The following MTMR3 variants were observed in gnomAD, a reference collection of about 807,000 sequenced individuals.
The protein encoded by MTMR3 is phosphatidylinositol-3,5-bisphosphate 3-phosphatase MTMR3.
Under a neutral mutation model 132.4 loss-of-function variants are expected in MTMR3, and 32 were observed. The ratio of observed to expected loss-of-function variants is 0.24; its 90% CI spans 0.18 to 0.32. MTMR3 has a LOEUF of 0.32. Ranked by LOEUF, MTMR3 falls within the 10% of genes least tolerant of loss-of-function variation. The pLI, the probability that MTMR3 is intolerant of heterozygous loss-of-function variation, is 1.00. For missense variants in MTMR3, 1,216 were observed against 1,489.6 expected (o/e 0.82, Z 3.02); for synonymous variants, 556 against 550.3 (o/e 1.01, Z -0.14).
At chr22:29,896,739 A>T (rs1602422120) in intron 1 of MTMR3, among the ~76,000 whole-genome samples, 1 of 152,202 alleles carries the variant, frequency 6.6e-6, no homozygotes, top group South Asian at 2.1e-4. Context: ...ATAACCATTT[A>T]TTTAAGAGTG....
At chr22:29,916,637 G>A (rs2145759355) in intron 1 of MTMR3, among the ~76,000 whole-genome samples, 1 of 152,164 alleles carries the variant, frequency 6.6e-6, no homozygotes, top group South Asian at 2.1e-4. Flanking sequence ...TTGGTGGAAG[G>A]GCTAGTCTCA....
At chr22:29,929,549 A>T (rs2065597894) in intron 1 of MTMR3, among the ~76,000 whole-genome samples, 1 of 151,082 alleles carries the variant, frequency 6.6e-6, no homozygotes, top group Non-Finnish European at 1.5e-5. Flanking sequence ...TTGCTCTGTC[A>T]CCCAGGCTGG....
chr22:30,022,110 T>G lies in MTMR3; in HGVS notation c.3307T>G (p.Trp1103Gly). 1 of 1,614,054 alleles carries G rather than the reference T, an allele frequency of 6.2e-7. No individual in the cohort carries two copies. Among genetic ancestry groups the G allele is most frequent in the African/African-American group, 1.3e-5 (1 of 75,058 alleles). Residue 1103 changes from tryptophan to glycine, a missense_variant, in exon 18 of 20, where the codon TGG (tryptophan) becomes GGG (glycine). Trp to Gly is a radical substitution (Grantham distance 184, BLOSUM62 -2). Transcript: ENST00000401950. ...CSTEIFSEASWEQVDKQDTEM... is the reference protein window; with the variant it reads ...CSTEIFSEASGEQVDKQDTEM... ...CACAGAGATTTTCTCTGAAGCCAGC[T>G]GGGAGCAGGTGGATAAACAGGACAC...
chr22:29,903,255 G>A (rs1017264683), intron 1 of MTMR3, among the ~76,000 whole-genome samples: 1 of 151,996 alleles, frequency 6.6e-6, no homozygotes, highest in Admixed American at 6.6e-5. Context: ...AAAAAGAAAA[G>A]AGTTTGCAGG....
chr22:29,917,351 AGAG>A (rs748670161), intron 1 of MTMR3, among the ~76,000 whole-genome samples: 5 of 152,210 alleles, frequency 3.3e-5, no homozygotes, highest in African/African-American at 4.8e-5. Flanking sequence ...AAATTGCACC[AGAG>A]GAGCCAAGTG....
chr22:29,907,472 A>G (rs766726687), intron 1 of MTMR3, among the ~76,000 whole-genome samples: 1 of 143,690 alleles, frequency 7.0e-6, no homozygotes, highest in Non-Finnish European at 1.5e-5. Context: ...CTTACTAAAG[A>G]GTAGATGTTT....
chr22:29,962,250 T>TTACATATATCTGATATATTACAGATA (rs1292650062), intron 2 of MTMR3, among the ~76,000 whole-genome samples: 2 of 152,188 alleles, frequency 1.3e-5, no homozygotes, highest in African/African-American at 4.8e-5. Context: ...CTCAGATATA[T>TTACATATATCTGATATATTACAGATA]TAATAACATA....
At chr22:29,958,761 C>T (rs2066250138) in intron 2 of MTMR3, among the ~76,000 whole-genome samples, 1 of 152,148 alleles carries the variant, frequency 6.6e-6, no homozygotes, top group Non-Finnish European at 1.5e-5. Context: ...ATTGGGAATG[C>T]CCTTGAAGGC....
chr22:29,912,633 C>G (rs558426771), intron 1 of MTMR3, among the ~76,000 whole-genome samples: 1 of 152,154 alleles, frequency 6.6e-6, no homozygotes, highest in South Asian at 2.1e-4. Flanking sequence ...AAGTCCAGTT[C>G]TTCTTTACCA....
At chr22:29,978,301 A>G (rs1039965448) in intron 3 of MTMR3, 141 bp from the exon 4 acceptor site, 3 of 556,952 alleles carry the variant, frequency 5.4e-6, no homozygotes, top group Admixed American at 6.2e-5. Context: ...TTTTAAGATC[A>G]ATATTGTTTC....
intron 1 of MTMR3, among the ~76,000 whole-genome samples, chr22:29,904,053 A>G (rs1202058875): frequency 1.3e-5 from 2 of 152,190 alleles, no homozygotes; most frequent in Non-Finnish European, 2.9e-5. Context: ...TTGGTCTTCT[A>G]TATGTGGCTC....
At chr22:29,900,297 T>C (rs190639109) in intron 1 of MTMR3, among the ~76,000 whole-genome samples, 6 of 152,314 alleles carry the variant, frequency 3.9e-5, no homozygotes, top group Non-Finnish European at 7.4e-5. Flanking sequence ...ATTTAACTTA[T>C]TTAGACTTCA....
chr22:30,015,084 T>C (rs1220671819), intron 14 of MTMR3: 2 of 152,204 alleles, frequency 1.3e-5, no homozygotes. Context: ...TCTCACTCTG[T>C]CACCCAGGCT....
intron 1 of MTMR3, among the ~76,000 whole-genome samples, chr22:29,931,867 G>A (rs1173386703): frequency 1.3e-5 from 2 of 148,894 alleles, no homozygotes; most frequent in African/African-American, 2.5e-5. Flanking sequence ...TTGTAAGACA[G>A]CAATGTCACG....
chr22:29,906,743 T>G (rs527488425), intron 1 of MTMR3, among the ~76,000 whole-genome samples: 1 of 152,334 alleles, frequency 6.6e-6, no homozygotes, highest in Admixed American at 6.5e-5. Flanking sequence ...GCCCTATATC[T>G]ACTCCCCCTT....
chr22:29,919,298 AC>A (rs2065365113), intron 1 of MTMR3, among the ~76,000 whole-genome samples: 1 of 152,178 alleles, frequency 6.6e-6, no homozygotes, highest in Non-Finnish European at 1.5e-5. Flanking sequence ...CTATATACAT[AC>A]TTAAAAGTAA....
At chr22:29,910,022 T>C (rs1291608365) in intron 1 of MTMR3, among the ~76,000 whole-genome samples, 3 of 152,076 alleles carry the variant, frequency 2.0e-5, no homozygotes, top group African/African-American at 7.2e-5. Flanking sequence ...CCGGGCATGG[T>C]GGTGGGTGCC....
At chr22:29,894,203 G>T (rs766317797) in intron 1 of MTMR3, among the ~76,000 whole-genome samples, 1 of 152,030 alleles carries the variant, frequency 6.6e-6, no homozygotes, top group Non-Finnish European at 1.5e-5. Context: ...GGTTTATGTC[G>T]CACTCACCAT....
At chr22:29,959,666 A>G (rs552872725) in intron 2 of MTMR3, among the ~76,000 whole-genome samples, 9 of 152,260 alleles carry the variant, frequency 5.9e-5, no homozygotes, top group Admixed American at 1.3e-4. Flanking sequence ...GATGTGTGCC[A>G]CTGTGCTGGC....
Sources: gnomAD v4.1 joint callset for allele counts (sites outside exome capture counted in the v4.1 genomes callset) on GRCh38, gnomAD v4.1.1 for gene constraint, MANE v1.5 for transcripts, NCBI Gene and HGNC (gene_info 2026-07-23, HGNC 2026-07-21) for gene names.